Variants in ATP2B2 observed in about 807,000 individuals in gnomAD.
The protein encoded by ATP2B2 is plasma membrane calcium-transporting ATPase 2.
Under a neutral mutation model 120.0 loss-of-function variants are expected in ATP2B2, and 15 were observed. That is an observed-to-expected ratio of 0.12 (90% CI 0.08 to 0.19). ATP2B2 has a LOEUF of 0.19. Ranked by LOEUF, ATP2B2 falls within the 10% of genes least tolerant of loss-of-function variation. ATP2B2 has a pLI of 1.00. For synonymous variants in ATP2B2, 694 were observed against 700.3 expected, an observed-to-expected ratio of 0.99 and a Z score of 0.14; for missense variants, 1,045 against 1,719.8, an observed-to-expected ratio of 0.61 and a Z score of 6.94.
intron 1 of ATP2B2, among the ~76,000 whole-genome samples, chr3:10,493,692 A>T (rs1028193649): frequency 6.6e-6 from 1 of 152,206 alleles, no homozygotes; most frequent in Non-Finnish European, 1.5e-5. Flanking sequence ...TCTATTCTAC[A>T]TGCATGCACT....
chr3:10,706,609 C>T (rs1321493687), intron 1 of ATP2B2, among the ~76,000 whole-genome samples: 1 of 152,218 alleles, frequency 6.6e-6, no homozygotes, highest in African/African-American at 2.4e-5. Flanking sequence ...GAATGATTAA[C>T]CCTCTCTGGC....
Position 10,488,428 on chromosome 3 carries a change from C to T in ATP2B2, c.-320+17037G>A, listed in dbSNP as rs73024731. ...ATCCACCCACCCATTCATCTCTTCACCCACCTATCCATCCATCCATCCACC... is the reference window on the plus strand; with the variant it reads ...ATCCACCCACCCATTCATCTCTTCATCCACCTATCCATCCATCCATCCACC... On this transcript the variant is annotated intron_variant, in intron 1 of 22. Coordinates refer to ENST00000360273, the MANE Select transcript of ATP2B2 (RefSeq NM_001001331.4). 8.7e-3 allele frequency among the ~76,000 whole-genome samples: 1,295 copies of T among 148,228 alleles called. 26 individuals carry two copies. Among genetic ancestry groups the T allele is most frequent in the South Asian group, 0.017 (77 of 4,640 alleles).
At chr3:10,670,975 A>G (rs988320129) in intron 1 of ATP2B2, among the ~76,000 whole-genome samples, 2 of 152,232 alleles carry the variant, frequency 1.3e-5, no homozygotes, top group Non-Finnish European at 2.9e-5. Context: ...AGGCTGTAAA[A>G]GAGTTTTCTG....
intron 1 of ATP2B2, among the ~76,000 whole-genome samples, chr3:10,481,783 A>G (rs39669): frequency 0.52 from 79,710 of 151,890 alleles, 22,021 homozygotes; most frequent in Non-Finnish European, 0.57. Context: ...CAAACTCCTG[A>G]CCTCAGGTGA....
chr3:10,498,431 TG>T (rs1284103466), intron 1 of ATP2B2, among the ~76,000 whole-genome samples: 1 of 152,244 alleles, frequency 6.6e-6, no homozygotes, highest in Non-Finnish European at 1.5e-5. Flanking sequence ...CGGATGAGCC[TG>T]GGGGCCTCAC....
At chr3:10,643,369 A>C (rs1183750320) in intron 1 of ATP2B2, among the ~76,000 whole-genome samples, 1 of 152,232 alleles carries the variant, frequency 6.6e-6, no homozygotes, top group Non-Finnish European at 1.5e-5. Flanking sequence ...CATAGTAAAG[A>C]TGGATCAAGC....
chr3:10,467,792 C>T (rs1026793555), intron 1 of ATP2B2, among the ~76,000 whole-genome samples: 4 of 152,102 alleles, frequency 2.6e-5, no homozygotes, highest in Non-Finnish European at 5.9e-5. Context: ...GGAGGAGCAG[C>T]GGCAGTCACA....
intron 2 of ATP2B2, among the ~76,000 whole-genome samples, chr3:10,587,747 T>TTTTGTTTG (rs71055825): frequency 6.6e-6 from 1 of 150,970 alleles, no homozygotes; most frequent in Non-Finnish European, 1.5e-5. Flanking sequence ...TTTCTGGTTT[T>TTTTGTTTG]TTTGTTTGTT....
rs35170464 is a variant in ATP2B2 at position 10,588,609 on chromosome 3, G to T, written c.-415+31308C>A. On this transcript the variant is annotated intron_variant, in intron 2 of 21. Transcript: ENST00000646379. ...AGCCTGACTCCACCAGTATCCACCA[G>T]AATGGAGGGAAGCATGGATCTCTGG... Among the ~76,000 whole-genome samples the T allele has an allele frequency of 4.8e-3, 727 of 152,262 alleles. 2 individuals are homozygous for T. Among genetic ancestry groups the T allele is most frequent in the Non-Finnish European group, 8.5e-3 (579 of 68,024 alleles).
chr3:10,491,002 T>G (rs561999618), intron 1 of ATP2B2, among the ~76,000 whole-genome samples: 1 of 152,330 alleles, frequency 6.6e-6, no homozygotes, highest in South Asian at 2.1e-4. Context: ...TGCCTTCTGC[T>G]CTTGTTTTTG....
intron 1 of ATP2B2, among the ~76,000 whole-genome samples, chr3:10,464,380 G>A (rs62238408): frequency 0.23 from 34,887 of 152,068 alleles, 5,227 homozygotes; most frequent in Non-Finnish European, 0.33. Flanking sequence ...GCTGCACAGA[G>A]CCAAGGGTTT....
intron 1 of ATP2B2, among the ~76,000 whole-genome samples, chr3:10,470,056 G>A (rs559486432): frequency 3.3e-5 from 5 of 152,294 alleles, no homozygotes; most frequent in African/African-American, 4.8e-5. Flanking sequence ...CAGGGCCTGA[G>A]TGGTCCTGTG....
At chr3:10,690,162 G>T (rs2071623787) in intron 1 of ATP2B2, among the ~76,000 whole-genome samples, 1 of 152,236 alleles carries the variant, frequency 6.6e-6, no homozygotes, top group African/African-American at 2.4e-5. Context: ...CAAAGAGAAA[G>T]CCACAGCTAC....
At chr3:10,535,994 T>C (rs2067305883) in intron 2 of ATP2B2, among the ~76,000 whole-genome samples, 1 of 152,116 alleles carries the variant, frequency 6.6e-6, no homozygotes, top group Non-Finnish European at 1.5e-5. Context: ...CCACCAGCAA[T>C]GTACAAGTGG....
At chr3:10,367,036 C>G (rs2061081188) in intron 12 of ATP2B2, among the ~76,000 whole-genome samples, 1 of 152,240 alleles carries the variant, frequency 6.6e-6, no homozygotes, top group African/African-American at 2.4e-5. Context: ...AGCCTCAGCC[C>G]TCACACCACC....
At chr3:10,592,585 G>T (rs2068669838) in intron 2 of ATP2B2, among the ~76,000 whole-genome samples, 1 of 152,136 alleles carries the variant, frequency 6.6e-6, no homozygotes. Context: ...ATATCTCCAG[G>T]GCCTTGTCCC....
At chr3:10,471,384 GTGTGTGTGTGTGTGTT>G (rs1356808633) in intron 1 of ATP2B2, among the ~76,000 whole-genome samples, 3 of 150,230 alleles carry the variant, frequency 2.0e-5, no homozygotes, top group East Asian at 1.9e-4. Flanking sequence ...GTGTGTGTGT[GTGTGTGTGTGTGTGTT>G]TGTGTGCGTG....
intron 1 of ATP2B2, among the ~76,000 whole-genome samples, chr3:10,477,725 T>C (rs1057076794): frequency 1.2e-4 from 18 of 152,248 alleles, no homozygotes; most frequent in African/African-American, 4.3e-4. Context: ...CAGAGCTTCC[T>C]TCCTTTTTAT....
chr3:10,502,977 G>T (rs2066455496), intron 1 of ATP2B2, among the ~76,000 whole-genome samples: 1 of 152,176 alleles, frequency 6.6e-6, no homozygotes, highest in Admixed American at 6.5e-5. Flanking sequence ...CTGGGACGTG[G>T]GGATAACAGG....
Sources: gnomAD v4.1 joint callset for allele counts (sites outside exome capture counted in the v4.1 genomes callset) on GRCh38, gnomAD v4.1.1 for gene constraint, MANE v1.5 for transcripts, NCBI Gene and HGNC (gene_info 2026-07-23, HGNC 2026-07-21) for gene names.